Variants in ADGRF5 observed in about 807,000 individuals in gnomAD.
The protein encoded by ADGRF5 is adhesion G protein-coupled receptor F5, also known as G-protein coupled receptor 116.
ADGRF5 carries 75 observed loss-of-function variants against 132.3 expected under a neutral mutation model. The observed-to-expected ratio is 0.57, with a 90% CI of 0.47 to 0.69. The LOEUF (loss-of-function observed/expected upper bound fraction) is 0.69. ADGRF5 is among the 30% of genes least tolerant of loss of function. ADGRF5 has a pLI of 0.00. For synonymous variants in ADGRF5, 629 were observed against 597.6 expected (o/e 1.05, Z -0.77); for missense variants, 1,516 against 1,630.6 (o/e 0.93, Z 1.21).
At chr6:46,899,696 A>G (rs529361670) in intron 3 of ADGRF5, among the ~76,000 whole-genome samples, 115 of 151,978 alleles carry the variant, frequency 7.6e-4, no homozygotes, top group African/African-American at 2.7e-3. Flanking sequence ...TTTAAAGCAA[A>G]AAGAAAGGCT....
chr6:46,859,561 T>A (rs770008329), intron 16 of ADGRF5, 38 bp from the exon 17 acceptor site: 1 of 1,259,784 alleles, frequency 7.9e-7, no homozygotes, highest in Admixed American at 2.3e-5. Flanking sequence ...CTAACCAAAT[T>A]CTTTCAATCA....
chr6:46,953,655 A>ATG (rs1651049448), intron 1 of ADGRF5, among the ~76,000 whole-genome samples: 2 of 22,076 alleles, frequency 9.1e-5, no homozygotes, highest in Admixed American at 6.5e-4. Context: ...ATATGTGTAT[A>ATG]TATATATATA....
At chr6:46,926,987 C>A (rs1162840943) in intron 1 of ADGRF5, among the ~76,000 whole-genome samples, 1 of 152,164 alleles carries the variant, frequency 6.6e-6, no homozygotes, top group East Asian at 1.9e-4. Context: ...ATACCATATA[C>A]TGCAGTAACA....
chr6:46,885,614 A>G (rs1276289225), intron 4 of ADGRF5, among the ~76,000 whole-genome samples: 5 of 152,218 alleles, frequency 3.3e-5, no homozygotes, highest in Admixed American at 3.3e-4. Context: ...TATGTACCAC[A>G]TAAAAAGAAG....
intron 17 of ADGRF5, among the ~76,000 whole-genome samples, chr6:46,857,781 C>A (rs1478197176): frequency 5.5e-4 from 23 of 41,530 alleles, no homozygotes; most frequent in Admixed American, 5.3e-3. Context: ...AAGAAAGGGG[C>A]AATCCCTGTC....
At chr6:46,863,688 G>A (rs1359405276) in intron 14 of ADGRF5, among the ~76,000 whole-genome samples, 1 of 152,130 alleles carries the variant, frequency 6.6e-6, no homozygotes, top group Non-Finnish European at 1.5e-5. Flanking sequence ...ATGTCCAGTG[G>A]ACCCTGACTC....
chr6:46,874,226 T>A (rs182302792), intron 10 of ADGRF5, among the ~76,000 whole-genome samples: 1 of 152,208 alleles, frequency 6.6e-6, no homozygotes, highest in South Asian at 2.1e-4. Context: ...GCTTCTCTTC[T>A]CTTTATCTTC....
chr6:46,925,805 A>G (rs1202503603), upstream of ADGRF5, among the ~76,000 whole-genome samples: 1 of 152,368 alleles, frequency 6.6e-6, no homozygotes, highest in Non-Finnish European at 1.5e-5. Context: ...TGTAACACAC[A>G]AGCAAAATTA....
rs752460866 is a variant in ADGRF5, at chr6:46,906,743, G to T, written c.20C>A (p.Thr7Asn). 6.2e-7 allele frequency: 1 copy of T among 1,601,358 alleles called. No homozygotes were observed. Among genetic ancestry groups the T allele is most frequent in the South Asian group, 1.1e-5 (1 of 90,818 alleles). MKSPRR[T>N]TLCLMFIVIY... ...CACAATAAACATGAGGCACAAAGTGGTTCTCCTTGGGGATTTCATGTCTTC... is the reference window on the plus strand; with the variant it reads ...CACAATAAACATGAGGCACAAAGTGTTTCTCCTTGGGGATTTCATGTCTTC... The change falls in exon 2 of 21, where the codon ACC (threonine) becomes AAC (asparagine). Residue 7 changes from threonine (T) to asparagine (N), a missense_variant. Physicochemically the swap from Thr to Asn is moderately conservative, Grantham distance 65. Coordinates refer to ENST00000283296, the MANE Select transcript of ADGRF5 (RefSeq NM_001098518.2).
intron 10 of ADGRF5, 33 bp from the exon 11 acceptor site, chr6:46,872,046 C>A (rs754541755): frequency 2.7e-5 from 41 of 1,507,210 alleles, no homozygotes; most frequent in Non-Finnish European, 3.6e-5. Flanking sequence ...GCCATCCCAG[C>A]TGGCTAACTC....
chr6:46,912,241 C>T (rs1776016848), intron 1 of ADGRF5, among the ~76,000 whole-genome samples: 1 of 152,214 alleles, frequency 6.6e-6, no homozygotes, highest in South Asian at 2.1e-4. Context: ...ACCAGAAGGA[C>T]CTGACCTAGT....
chr6:46,859,125 G>T lies in ADGRF5; in HGVS notation c.2778C>A (p.Thr926=), dbSNP rs747743187. 18 of 1,613,874 alleles carry T rather than the reference G, an allele frequency of 1.1e-5. No homozygotes were observed. The highest frequency in any genetic ancestry group is 8.3e-5 in the Admixed American group (5 of 60,008). Residue 926 remains threonine, a synonymous_variant, in exon 17 of 21, where the codon ACC becomes ACA. Coordinates refer to ENST00000283296, the MANE Select transcript of ADGRF5 (RefSeq NM_001098518.2). ...GCATAGTTGTATTGTGGCTGACAGT[G>T]GTTGTCATCACTAAGCTCTCTGCAA... The part of the protein sequence containing the change: ...NNFAESLVMT[T]TVSHNTTMPF...
intron 1 of ADGRF5, among the ~76,000 whole-genome samples, chr6:46,950,109 T>C (rs1778441910): frequency 6.6e-6 from 1 of 152,156 alleles, no homozygotes; most frequent in Non-Finnish European, 1.5e-5. Context: ...GAAGGGACCT[T>C]TGAGGTCATC....
intron 4 of ADGRF5, among the ~76,000 whole-genome samples, chr6:46,887,551 G>C (rs968088305): frequency 1.3e-5 from 2 of 152,148 alleles, no homozygotes; most frequent in Non-Finnish European, 2.9e-5. Context: ...CATATATTAA[G>C]AATCAAAAAT....
rs1191151416 is a variant in ADGRF5, at chr6:46,852,960, T to C, written c.*1032A>G. 6.6e-6 allele frequency: 1 copy of C among 152,642 alleles called. No individual in the cohort carries two copies. The highest frequency in any genetic ancestry group is 1.5e-5 in the Non-Finnish European group (1 of 68,050). 9.5% of individuals were successfully genotyped at this position (152,642 alleles called of 1,614,324 possible). ...GCTATAAGATTATTAAAATCTATTC[T>C]ATAATGCACAGAGAAGTACCTGCTT... On this transcript the variant is annotated 3_prime_UTR_variant, in exon 21 of 21. Transcript: ENST00000283296.
Position 46,868,975 on chromosome 6 carries a change from A to G in ADGRF5, c.1529T>C (p.Ile510Thr), listed in dbSNP as rs375353208. The change falls in exon 12 of 21, where the codon ATT (isoleucine) becomes ACT (threonine). Residue 510 changes from isoleucine (I) to threonine (T), a missense_variant. By Grantham distance (89) the Ile-to-Thr change is moderately conservative. Transcript: ENST00000283296. ...DEVYWNTSAG[I>T]KIYQRFYTTR... is the part of the protein sequence containing the mutation. ...GGTATAAAATCTTTGGTATATTTTA[A>G]TTCCAGCAGAAGTGTTCCAATAAAC... The G allele has an allele frequency of 4.3e-6, 7 of 1,613,064 alleles. No individual in the cohort carries two copies. Among genetic ancestry groups the G allele is most frequent in the Non-Finnish European group, 5.9e-6 (7 of 1,179,012 alleles).
chr6:46,864,303 T>C (rs552878659), intron 14 of ADGRF5, among the ~76,000 whole-genome samples: 175 of 152,146 alleles, frequency 1.2e-3, no homozygotes, highest in Non-Finnish European at 2.3e-3. Flanking sequence ...GACTCAGTGG[T>C]GGCAAAGGAT....
intron 1 of ADGRF5, among the ~76,000 whole-genome samples, chr6:46,953,671 A>G (rs1223341237): frequency 3.0e-5 from 4 of 132,262 alleles, no homozygotes; most frequent in South Asian, 2.3e-4. Context: ...ATATATATAT[A>G]TATATATATA....
At chr6:46,912,631 T>A in intron 1 of ADGRF5, among the ~76,000 whole-genome samples, 1 of 151,860 alleles carries the variant, frequency 6.6e-6, no homozygotes, top group Non-Finnish European at 1.5e-5. Context: ...ATTCCAACAA[T>A]CAAAGGTCCA....
Sources: allele counts gnomAD v4.1 joint callset (sites outside exome capture counted in the v4.1 genomes callset), GRCh38; gene constraint gnomAD v4.1.1; transcripts MANE v1.5; gene names NCBI Gene and HGNC (gene_info 2026-07-23, HGNC 2026-07-21).